Variants in CMTM8 observed in about 807,000 individuals in gnomAD.
The protein encoded by CMTM8 is CKLF like MARVEL transmembrane domain containing 8.
In CMTM8, 12 loss-of-function variants were observed where a neutral mutation model predicts 18.6. That is an observed-to-expected ratio of 0.65 (90% CI 0.41 to 1.05). The LOEUF is 1.05. Among genes scored for constraint, CMTM8 ranks in the 50% least tolerant of loss-of-function variants. CMTM8 has a pLI of 0.00. For missense variants in CMTM8, 217 were observed against 227.2 expected (o/e 0.95, Z 0.29); for synonymous variants, 87 against 90.6 (o/e 0.96, Z 0.23).
At chr3:32,305,003 G>A (rs1428106289) in intron 1 of CMTM8, among the ~76,000 whole-genome samples, 1 of 152,200 alleles carries the variant, frequency 6.6e-6, no homozygotes, top group East Asian at 1.9e-4. Flanking sequence ...TAGTGGCTGA[G>A]AACCATCTCT....
intron 1 of CMTM8, among the ~76,000 whole-genome samples, chr3:32,331,620 G>C (rs965209713): frequency 1.1e-4 from 17 of 150,176 alleles, no homozygotes; most frequent in African/African-American, 4.2e-4. Flanking sequence ...CAATAACCAA[G>C]AGTTAGAAGC....
chr3:32,341,821 G>A (rs1303082869), intron 1 of CMTM8, among the ~76,000 whole-genome samples: 1 of 152,090 alleles, frequency 6.6e-6, no homozygotes, highest in African/African-American at 2.4e-5. Flanking sequence ...AGGTTGCAGT[G>A]AGCCAAGGTT....
intron 1 of CMTM8, among the ~76,000 whole-genome samples, chr3:32,320,069 C>T (rs1404255390): frequency 6.6e-6 from 1 of 152,184 alleles, no homozygotes; most frequent in East Asian, 1.9e-4. Context: ...TAAATTGACC[C>T]CTTGCTGGGC....
chr3:32,293,331 A>G (rs1702816515), intron 1 of CMTM8, among the ~76,000 whole-genome samples: 1 of 152,166 alleles, frequency 6.6e-6, no homozygotes, highest in Non-Finnish European at 1.5e-5. Context: ...TGGGCAGATC[A>G]CTTGAGGTCA....
At chr3:32,259,841 G>A (rs1253491507) in intron 1 of CMTM8, 10 of 820,884 alleles carry the variant, frequency 1.2e-5, no homozygotes, top group Non-Finnish European at 2.1e-5. Context: ...GCTGAGACAT[G>A]CAGTCCAGTC....
intron 1 of CMTM8, among the ~76,000 whole-genome samples, chr3:32,322,111 T>G (rs1338882574): frequency 6.6e-6 from 1 of 152,156 alleles, no homozygotes; most frequent in Non-Finnish European, 1.5e-5. Flanking sequence ...GAAGAGGACT[T>G]TATTGGTGGT....
chr3:32,347,526 A>G (rs936561902), intron 1 of CMTM8, among the ~76,000 whole-genome samples: 4 of 149,924 alleles, frequency 2.7e-5, no homozygotes, highest in Non-Finnish European at 5.9e-5. Context: ...GGCTTTACAC[A>G]CAAGTGCTGG....
chr3:32,319,057 C>CATACATATATATATATATATAT (rs1206855049), intron 1 of CMTM8, among the ~76,000 whole-genome samples: 7 of 45,882 alleles, frequency 1.5e-4, no homozygotes, highest in African/African-American at 6.9e-4. Flanking sequence ...TGTGTATATA[C>CATACATATATATATATATATAT]ATATATATAT....
chr3:32,259,491 T>C lies in CMTM8; in HGVS notation c.147+20372T>C, dbSNP rs117540921. The C allele has an allele frequency of 1.8e-3, 1,395 of 779,012 alleles. 20 individuals carry two copies. The East Asian group carries it at 0.027, about 15-fold the overall frequency. 48.3% of individuals were successfully genotyped at this position (779,012 alleles called of 1,614,324 possible). Reference sequence around the variant, plus strand: ...TCTTTGGAGAATGACATTCATGGGCTCTTCAAGGTCATTGATGACACCAAT... The same window carrying C: ...TCTTTGGAGAATGACATTCATGGGCCCTTCAAGGTCATTGATGACACCAAT... On this transcript the variant is annotated intron_variant, in intron 1 of 3. Coordinates refer to ENST00000307526, the MANE Select transcript of CMTM8 (RefSeq NM_178868.5).
At chr3:32,291,694 A>C (rs1370377045) in intron 1 of CMTM8, among the ~76,000 whole-genome samples, 1 of 152,224 alleles carries the variant, frequency 6.6e-6, no homozygotes, top group Non-Finnish European at 1.5e-5. Flanking sequence ...TCCAGAAAAA[A>C]GAATGAATCT....
Position 32,348,908 on chromosome 3 carries a change from T to C in CMTM8, c.148-8465T>C, listed in dbSNP as rs2125593754. Among the ~76,000 whole-genome samples the C allele has an allele frequency of 2.0e-5, 3 of 152,266 alleles. No individual in the cohort carries two copies. The South Asian group carries it at 6.2e-4, about 32-fold the overall frequency. On this transcript the variant is annotated intron_variant, in intron 1 of 3. Coordinates refer to ENST00000307526, the MANE Select transcript of CMTM8 (RefSeq NM_178868.5). ...CGTTGTTTTTATCTTTTCTAGGTTTTCTCGATTTTATCATGCAGCATTTCT... is the reference window on the plus strand; with the variant it reads ...CGTTGTTTTTATCTTTTCTAGGTTTCCTCGATTTTATCATGCAGCATTTCT...
At chr3:32,336,971 CT>C (rs1301892863) in intron 1 of CMTM8, among the ~76,000 whole-genome samples, 6 of 152,084 alleles carry the variant, frequency 3.9e-5, no homozygotes, top group African/African-American at 1.2e-4. Context: ...GGCCTTTTTG[CT>C]GGTGGGGACT....
At position 32,298,800 on chromosome 3, in the gene CMTM8, T is replaced by A. The variant is rs539047514; in HGVS notation, c.148-58573T>A. Among the ~76,000 whole-genome samples, 62 of 131,648 alleles carry A rather than the reference T, an allele frequency of 4.7e-4. 1 individual carries two copies. Among genetic ancestry groups the A allele is most frequent in the Non-Finnish European group, 8.3e-4 (53 of 63,810 alleles). 86.4% of individuals were successfully genotyped at this position (131,648 alleles called of 152,430 possible). A position where few individuals can be genotyped will look rare whatever the true frequency, so the allele number is the denominator to read the frequency against. On this transcript the variant is annotated intron_variant, in intron 1 of 3. Transcript: ENST00000307526. ...GGCATGCGCCACCACACCCAGCTAA[T>A]ATATATATATATATACACGTGTGTA...
chr3:32,348,613 C>T (rs1346689168), intron 1 of CMTM8, among the ~76,000 whole-genome samples: 1 of 141,508 alleles, frequency 7.1e-6, no homozygotes, highest in Non-Finnish European at 1.5e-5. Flanking sequence ...ATCCTCCTAC[C>T]TCAGCCTCCC....
intron 1 of CMTM8, among the ~76,000 whole-genome samples, chr3:32,331,961 C>T (rs1048535537): frequency 6.6e-6 from 1 of 152,072 alleles, no homozygotes; most frequent in Admixed American, 6.6e-5. Flanking sequence ...ATCTTCTGCA[C>T]AGCAGTGTGC....
chr3:32,268,566 A>T (rs927633124), intron 1 of CMTM8, among the ~76,000 whole-genome samples: 6 of 145,510 alleles, frequency 4.1e-5, no homozygotes, highest in Admixed American at 2.8e-4. Flanking sequence ...CACGTTGTGC[A>T]CATGTACCCT....
chr3:32,332,627 C>T (rs2125584685), intron 1 of CMTM8, among the ~76,000 whole-genome samples: 1 of 152,252 alleles, frequency 6.6e-6, no homozygotes, highest in South Asian at 2.1e-4. Context: ...CTGTCCTTAG[C>T]ACGCTCAGCC....
At chr3:32,357,879 T>C (rs1167790965) in intron 2 of CMTM8, among the ~76,000 whole-genome samples, 2 of 152,246 alleles carry the variant, frequency 1.3e-5, no homozygotes, top group African/African-American at 4.8e-5. Context: ...GAAATAAATA[T>C]GCCAGGGCGC....
intron 1 of CMTM8, among the ~76,000 whole-genome samples, chr3:32,268,510 A>T (rs990918090): frequency 6.6e-6 from 1 of 151,990 alleles, no homozygotes; most frequent in Non-Finnish European, 1.5e-5. Context: ...GAGTTAATGG[A>T]TGCAGCACAC....
Sources: allele counts gnomAD v4.1 joint callset (sites outside exome capture counted in the v4.1 genomes callset), GRCh38; gene constraint gnomAD v4.1.1; transcripts MANE v1.5; gene names NCBI Gene and HGNC (gene_info 2026-07-23, HGNC 2026-07-21).